CTNND2: variants seen among roughly 807,000 people sequenced by gnomAD.
CTNND2 encodes the protein catenin delta-2.
In CTNND2, 22 loss-of-function variants were observed where a neutral mutation model predicts 144.4. The ratio of observed to expected loss-of-function variants is 0.15; its 90% confidence interval spans 0.11 to 0.22. CTNND2 has a LOEUF of 0.22. CTNND2 is among the 10% of genes least tolerant of loss of function. The pLI, the probability that CTNND2 is intolerant of heterozygous loss-of-function variation, is 1.00. For synonymous variants in CTNND2, 751 were observed against 695.6 expected (o/e 1.08, Z -1.25); for missense variants, 1,353 against 1,618.8 (o/e 0.84, Z 2.82).
intron 1 of CTNND2, among the ~76,000 whole-genome samples, chr5:11,892,902 G>C (rs1737093495): frequency 1.3e-5 from 2 of 152,168 alleles, no homozygotes; most frequent in South Asian, 4.1e-4. Flanking sequence ...CCTTTCAAGA[G>C]ATAAAATATG....
chr5:11,554,808 G>T (rs575992312), intron 3 of CTNND2, among the ~76,000 whole-genome samples: 1 of 151,700 alleles, frequency 6.6e-6, no homozygotes, highest in Non-Finnish European at 1.5e-5. Flanking sequence ...TTAACAAGTA[G>T]ATATTTTCAT....
rs530321894 is a variant in CTNND2 at position 11,240,136 on chromosome 5, C to T, written c.1629-3313G>A. ...CACACACACACACCCCCAACACACA[C>T]ACCCAACACACACACACATTCACAC... is the stretch of plus-strand genomic sequence containing the variant. On this transcript the variant is annotated intron_variant, in intron 9 of 21. Transcript: ENST00000304623. Among the ~76,000 whole-genome samples, 5 of 150,156 alleles carry T rather than the reference C, an allele frequency of 3.3e-5. No homozygotes were observed. The East Asian group carries it at 9.8e-4, about 29-fold the overall frequency.
At chr5:11,049,756 C>G (rs1300110435) in intron 16 of CTNND2, among the ~76,000 whole-genome samples, 1 of 152,190 alleles carries the variant, frequency 6.6e-6, no homozygotes, top group Middle Eastern at 3.2e-3. Flanking sequence ...GGTTTCATAC[C>G]ACTTGTGCAA....
intron 16 of CTNND2, among the ~76,000 whole-genome samples, chr5:11,081,427 A>T (rs1211543759): frequency 6.6e-6 from 1 of 152,334 alleles, no homozygotes; most frequent in Admixed American, 6.5e-5. Context: ...TTATCCAAAA[A>T]TGCTTAGGAC....
intron 1 of CTNND2, among the ~76,000 whole-genome samples, chr5:11,852,606 C>T (rs567296509): frequency 6.6e-6 from 1 of 152,156 alleles, no homozygotes; most frequent in Non-Finnish European, 1.5e-5. Flanking sequence ...TTCAGAAATA[C>T]ACATCTCATG....
At chr5:11,839,069 C>T (rs537269421) in intron 1 of CTNND2, among the ~76,000 whole-genome samples, 2 of 152,238 alleles carry the variant, frequency 1.3e-5, no homozygotes, top group African/African-American at 4.8e-5. Context: ...TTGTCATCTG[C>T]ACAATTTTGT....
Position 11,384,877 on chromosome 5 carries a change from G to T in CTNND2, c.965C>A (p.Ser322Tyr). ...GCGGATCGGGGACAGGCCGGCCGAG[G>T]ACACGACGATGTTGATGGGCGAGCT... Reference protein sequence around the residue: ...STSSPINIVVSSAGLSPIRVT... With the variant: ...STSSPINIVVYSAGLSPIRVT... The change falls in exon 7 of 22, where the codon TCC (serine) becomes TAC (tyrosine). Residue 322 changes from serine to tyrosine, a missense_variant. Transcript: ENST00000304623. The surrounding 1 kb of genome is among the most constrained non-coding windows in gnomAD (Gnocchi z 5.2). 6.2e-7 allele frequency: 1 copy of T among 1,612,028 alleles called. No individual in the cohort carries two copies. Among genetic ancestry groups the T allele is most frequent in the Non-Finnish European group, 8.5e-7 (1 of 1,179,420 alleles).
At chr5:11,123,936 G>C (rs1754395725) in intron 12 of CTNND2, among the ~76,000 whole-genome samples, 1 of 152,194 alleles carries the variant, frequency 6.6e-6, no homozygotes, top group Non-Finnish European at 1.5e-5. Flanking sequence ...ACACACACCA[G>C]TTATGGCCTT....
chr5:11,064,252 AC>A (rs1317874233), intron 16 of CTNND2, among the ~76,000 whole-genome samples: 2 of 152,182 alleles, frequency 1.3e-5, no homozygotes, highest in Admixed American at 6.5e-5. Context: ...ATTTTTATGC[AC>A]ATATTTGAGC....
intron 18 of CTNND2, among the ~76,000 whole-genome samples, chr5:10,993,312 T>G (rs1198984391): frequency 2.6e-5 from 4 of 152,224 alleles, no homozygotes; most frequent in African/African-American, 9.6e-5. Flanking sequence ...TATACTATTT[T>G]TCCTTATAAA....
chr5:11,384,843 C>A lies in CTNND2; in HGVS notation c.999G>T (p.Ser333=), dbSNP rs148241724. The A allele has an allele frequency of 1.2e-6, 2 of 1,612,628 alleles. No individual in the cohort carries two copies. The highest frequency in any genetic ancestry group is 1.7e-6 in the Non-Finnish European group (2 of 1,179,604). ...AGATGGTGGACTGCACGGTGGGGGG[C>A]GAGGTCACGCGGATCGGGGACAGGC... is the stretch of plus-strand genomic sequence containing the variant. ...SAGLSPIRVT[S]PPTVQSTISS... is the part of the protein sequence containing the mutation. The change falls in exon 7 of 22, where the codon TCG becomes TCT. Residue 333 remains serine (S), a synonymous_variant. Transcript: ENST00000304623. The surrounding 1 kb of genome is among the most constrained non-coding windows in gnomAD (Gnocchi z 5.2).
At chr5:10,987,918 C>CTTAG (rs1474397075) in intron 20 of CTNND2, among the ~76,000 whole-genome samples, 193 bp downstream of exon 20, 1 of 152,056 alleles carries the variant, frequency 6.6e-6, no homozygotes, top group African/African-American at 2.4e-5. Context: ...AACATTTTAT[C>CTTAG]TTAGTTATGC....
chr5:11,435,019 T>G (rs1763631975), intron 3 of CTNND2, among the ~76,000 whole-genome samples: 1 of 152,188 alleles, frequency 6.6e-6, no homozygotes, highest in Non-Finnish European at 1.5e-5. Flanking sequence ...TAAGACATTT[T>G]ACTTTATTAC....
At chr5:11,004,825 G>C (rs905155441) in intron 18 of CTNND2, among the ~76,000 whole-genome samples, 1 of 151,354 alleles carries the variant, frequency 6.6e-6, no homozygotes, top group East Asian at 1.9e-4. Flanking sequence ...TGGAAGCAGA[G>C]TCACTGAACA....
intron 9 of CTNND2, among the ~76,000 whole-genome samples, chr5:11,295,488 A>C (rs1354601059): frequency 1.3e-5 from 2 of 152,234 alleles, no homozygotes; most frequent in Non-Finnish European, 2.9e-5. Context: ...ACTACTTTAA[A>C]GTTTGTATGG....
chr5:11,419,179 T>A (rs139559291), intron 3 of CTNND2, among the ~76,000 whole-genome samples: 1,772 of 152,016 alleles, frequency 0.012, 40 homozygotes, highest in African/African-American at 0.041. Context: ...CAAGGAAGGA[T>A]AACTTCCCTC....
chr5:11,369,036 A>C (rs1256124142), intron 7 of CTNND2, among the ~76,000 whole-genome samples: 2 of 152,216 alleles, frequency 1.3e-5, no homozygotes, highest in Non-Finnish European at 1.5e-5. Flanking sequence ...ACCATAAACT[A>C]TCCAAATTTC....
intron 3 of CTNND2, among the ~76,000 whole-genome samples, chr5:11,525,143 A>C (rs1773121935): frequency 2.0e-5 from 3 of 152,166 alleles, no homozygotes; most frequent in African/African-American, 7.2e-5. Flanking sequence ...TGACACACTC[A>C]CTATGGAGAG....
intron 1 of CTNND2, among the ~76,000 whole-genome samples, chr5:11,786,495 GAAAATTAATTGCT>G (rs1410186297): frequency 1.3e-5 from 2 of 152,162 alleles, no homozygotes; most frequent in Non-Finnish European, 2.9e-5. Flanking sequence ...GAGATGTTCT[GAAAATTAATTGCT>G]ACTGATAATT....
Sources: allele counts gnomAD v4.1 joint callset (sites outside exome capture counted in the v4.1 genomes callset), GRCh38; gene constraint gnomAD v4.1.1; non-coding constraint Gnocchi (gnomAD v3.1); transcripts MANE v1.5; gene names NCBI Gene and HGNC (gene_info 2026-07-23, HGNC 2026-07-21).